The following DLG5 variants were observed in gnomAD, a reference collection of about 807,000 sequenced individuals.
The protein encoded by DLG5 is discs large MAGUK scaffold protein 5.
Under a neutral mutation model 189.8 loss-of-function variants are expected in DLG5, and 48 were observed. The observed-to-expected ratio is 0.25, with a 90% CI of 0.20 to 0.32. The LOEUF is 0.32. Among genes scored for constraint, DLG5 ranks in the 10% least tolerant of loss-of-function variants. The pLI is 1.00. For missense variants in DLG5, 2,160 were observed against 2,544.7 expected (o/e 0.85, Z 3.25); for synonymous variants, 1,016 against 1,054.1 (o/e 0.96, Z 0.70).
rs151103633 is a variant in DLG5, at chr10:77,859,156, G to A, written c.374-2264C>T. Among the ~76,000 whole-genome samples, 486 of 152,164 alleles carry A rather than the reference G, an allele frequency of 3.2e-3. 3 individuals are homozygous for A. The highest frequency in any genetic ancestry group is 0.023 in the South Asian group (112 of 4,820). On this transcript the variant is annotated intron_variant, in intron 2 of 31. Coordinates refer to ENST00000372391, the MANE Select transcript of DLG5 (RefSeq NM_004747.4). ...CTCCCAAAGTGGTCGGATTACAGGC[G>A]TGAGCCACCACACCCGGCCCAATGT...
chr10:77,905,468 G>A lies in DLG5; in HGVS notation c.304+20749C>T, dbSNP rs563581904. On this transcript the variant is annotated intron_variant, in intron 1 of 31. Transcript: ENST00000372391. ...TGCCATCTTTAAATCAAGTGTTTGCGCACCTCTTCCTTCCACAATCACCTA... is the reference window on the plus strand; with the variant it reads ...TGCCATCTTTAAATCAAGTGTTTGCACACCTCTTCCTTCCACAATCACCTA... Among the ~76,000 whole-genome samples the A allele has an allele frequency of 5.3e-5, 8 of 152,278 alleles. No homozygotes were observed. In the South Asian group the frequency reaches 6.2e-4, roughly 12 times the overall value.
At position 77,821,488 on chromosome 10, in the gene DLG5, T is replaced by A. The variant is rs1364099411; in HGVS notation, c.2996A>T (p.His999Leu). The change falls in exon 15 of 32, where the codon CAC (histidine) becomes CTC (leucine). Residue 999 changes from histidine to leucine, a missense_variant. By Grantham distance (99) the His-to-Leu change is moderately conservative. This residue lies in a region of DLG5 where 754 missense variants were observed against 746.5 expected (regional missense o/e 1.01). Transcript: ENST00000372391. ...CGCCCTCTTGGAGGGCTGGGGAGAG[T>A]GAGCAGGCCCAGGACCTGGAAGCAG... Reference protein sequence around the residue: ...DYLLPGPGPAHSPQPSKRAGP... With the variant: ...DYLLPGPGPALSPQPSKRAGP... The A allele has an allele frequency of 6.2e-7, 1 of 1,611,124 alleles. No individual in the cohort carries two copies. Among genetic ancestry groups the A allele is most frequent in the Non-Finnish European group, 8.5e-7 (1 of 1,179,516 alleles).
At chr10:77,845,610 G>A (rs1207973014) in intron 5 of DLG5, among the ~76,000 whole-genome samples, 2 of 151,224 alleles carry the variant, frequency 1.3e-5, no homozygotes, top group East Asian at 1.9e-4. Flanking sequence ...GAGGGAAGAA[G>A]GGAAGGAAGG....
At chr10:77,858,775 CA>C (rs151068818) in intron 2 of DLG5, among the ~76,000 whole-genome samples, 6,849 of 151,898 alleles carry the variant, frequency 0.045, 280 homozygotes, top group East Asian at 0.25. Flanking sequence ...AAAAAAAGTA[CA>C]AAAAAATTAA....
intron 7 of DLG5, among the ~76,000 whole-genome samples, chr10:77,838,515 G>C (rs927347295): frequency 1.3e-5 from 2 of 152,200 alleles, no homozygotes; most frequent in Non-Finnish European, 2.9e-5. Flanking sequence ...CAAAGATCCT[G>C]ACAGGCCCCC....
In DLG5 at chr10:77,856,201, A is replaced by G. The variant is rs61580691; in HGVS notation, c.536+529T>C. On this transcript the variant is annotated intron_variant, in intron 3 of 31. Coordinates refer to ENST00000372391, the MANE Select transcript of DLG5 (RefSeq NM_004747.4). ...TGCTACAAAAAAATTAAAAAAAAAA[A>G]ATTAGTTGGGCATGGTGGCACACAC... Among the ~76,000 whole-genome samples, 685 of 152,048 alleles carry G rather than the reference A, an allele frequency of 4.5e-3. 5 individuals are homozygous for G. Among genetic ancestry groups the G allele is most frequent in the African/African-American group, 0.015 (641 of 41,470 alleles).
intron 9 of DLG5, among the ~76,000 whole-genome samples, chr10:77,832,384 T>C (rs1842927863): frequency 6.6e-6 from 1 of 152,252 alleles, no homozygotes; most frequent in African/African-American, 2.4e-5. Context: ...ACTGGGCTCC[T>C]GACCTACTTG....
chr10:77,816,852 T>C (rs546484234), intron 19 of DLG5, 151 bp from the exon 20 acceptor site: 13 of 1,364,306 alleles, frequency 9.5e-6, no homozygotes, highest in Non-Finnish European at 1.3e-5. Context: ...CATTGCCCCC[T>C]ACCCCCCACA....
intron 1 of DLG5, among the ~76,000 whole-genome samples, chr10:77,893,584 C>T (rs1419115218): frequency 6.6e-6 from 1 of 152,250 alleles, no homozygotes. Context: ...TATCAATGGG[C>T]AGCAGTGCTG....
chr10:77,894,241 C>T (rs1262751189), intron 1 of DLG5, among the ~76,000 whole-genome samples: 1 of 152,144 alleles, frequency 6.6e-6, no homozygotes, highest in Non-Finnish European at 1.5e-5. Flanking sequence ...CTGGGAATCC[C>T]AGCTTACCCA....
Position 77,821,983 on chromosome 10 carries a change from T to A in DLG5, c.2501A>T (p.Asn834Ile). Residue 834 changes from asparagine (N) to isoleucine (I), a missense_variant, in exon 15 of 32, where the codon AAC becomes ATC. Transcript: ENST00000372391. ...GPEVQAHNKR[N>I]LIQHNNSTQT... ...CGTGGAGTTATTGTGCTGTATCAAG[T>A]TCCGTTTGTTATGAGCCTGGACCTC... 1 of 1,614,244 alleles carries A rather than the reference T, an allele frequency of 6.2e-7. No homozygotes were observed. The highest frequency in any genetic ancestry group is 1.1e-5 in the South Asian group (1 of 91,092).
upstream of DLG5, among the ~76,000 whole-genome samples, chr10:77,930,814 ATTTTTTTT>A (rs35563477): frequency 2.2e-5 from 2 of 91,630 alleles, no homozygotes; most frequent in African/African-American, 4.4e-5. Flanking sequence ...CACCTGGCTA[ATTTTTTTT>A]TTTTTTTTTT....
At position 77,916,069 on chromosome 10, in the gene DLG5, A is replaced by C. The variant is rs745568256; in HGVS notation, c.304+10148T>G. ...TTGTCTCTACTAAAAATAAAAAAAAAATTAGCTGGGCATGGTGGCACACGC... is the reference window on the plus strand; with the variant it reads ...TTGTCTCTACTAAAAATAAAAAAAACATTAGCTGGGCATGGTGGCACACGC... On this transcript the variant is annotated intron_variant, in intron 1 of 31. Coordinates refer to ENST00000372391, the MANE Select transcript of DLG5 (RefSeq NM_004747.4). Among the ~76,000 whole-genome samples the C allele has an allele frequency of 2.6e-3, 390 of 152,144 alleles. 5 individuals are homozygous for C. Among genetic ancestry groups the C allele is most frequent in the Non-Finnish European group, 4.4e-3 (298 of 68,008 alleles).
chr10:77,844,394 A>G (rs1221730490), intron 5 of DLG5, among the ~76,000 whole-genome samples: 4 of 152,106 alleles, frequency 2.6e-5, no homozygotes, highest in African/African-American at 7.2e-5. Context: ...TGCTCTGTGT[A>G]CTTTTGTTGT....
chr10:77,858,461 C>A (rs1016348337), intron 2 of DLG5, among the ~76,000 whole-genome samples: 3 of 151,978 alleles, frequency 2.0e-5, no homozygotes, highest in African/African-American at 7.2e-5. Flanking sequence ...ATGGCGAAAC[C>A]CCGTCTCTAG....
intron 1 of DLG5, among the ~76,000 whole-genome samples, chr10:77,920,609 GT>G (rs1458239866): frequency 6.6e-6 from 1 of 152,194 alleles, no homozygotes; most frequent in East Asian, 1.9e-4. Context: ...AGCTGAGCCA[GT>G]CTTAGTCCTC....
intron 1 of DLG5, among the ~76,000 whole-genome samples, chr10:77,921,769 C>T (rs1349597094): frequency 6.6e-6 from 1 of 152,210 alleles, no homozygotes; most frequent in Non-Finnish European, 1.5e-5. Context: ...TGGCTCCATT[C>T]TCTTAAGTTT....
At chr10:77,802,600 G>A (rs1603641113) in intron 27 of DLG5, among the ~76,000 whole-genome samples, 1 of 152,242 alleles carries the variant, frequency 6.6e-6, no homozygotes, top group African/African-American at 2.4e-5. Context: ...AATGAGAAAA[G>A]TATGGCCGGG....
At chr10:77,803,352 T>C (rs557891307) in intron 27 of DLG5, among the ~76,000 whole-genome samples, 1 of 152,350 alleles carries the variant, frequency 6.6e-6, no homozygotes, top group Non-Finnish European at 1.5e-5. Context: ...AATGTGTGCA[T>C]TGCTGTATGT....
Sources: gnomAD v4.1 joint callset for allele counts (sites outside exome capture counted in the v4.1 genomes callset) on GRCh38, gnomAD v4.1.1 for gene constraint, gnomAD v4.1.1 regional missense constraint, MANE v1.5 for transcripts, NCBI Gene and HGNC (gene_info 2026-07-23, HGNC 2026-07-21) for gene names.